CTIF: variants seen among roughly 807,000 people sequenced by gnomAD.
CTIF encodes the protein CBP80/20-dependent translation initiation factor.
CTIF carries 21 observed loss-of-function variants against 66.0 expected under a neutral mutation model. The observed-to-expected ratio is 0.32, with a 90% CI of 0.23 to 0.46. The LOEUF (loss-of-function observed/expected upper bound fraction) is 0.46. CTIF is among the 20% of genes least tolerant of loss of function. The pLI is 1.00. For missense variants in CTIF, 739 were observed against 812.7 expected (o/e 0.91, Z 1.10); for synonymous variants, 345 against 326.4 (o/e 1.06, Z -0.62).
intron 7 of CTIF, among the ~76,000 whole-genome samples, chr18:48,742,788 G>T (rs147143501): frequency 4.6e-4 from 70 of 152,304 alleles, no homozygotes; most frequent in African/African-American, 1.6e-3. Flanking sequence ...CCAGTGTCTG[G>T]CTCTCCCTGC....
At chr18:48,562,869 A>G (rs1293756963) in intron 1 of CTIF, among the ~76,000 whole-genome samples, 1 of 152,240 alleles carries the variant, frequency 6.6e-6, no homozygotes, top group African/African-American at 2.4e-5. Context: ...CCAGTAATCT[A>G]TTGGAACCAG....
chr18:48,626,727 C>G (rs1391315363), intron 2 of CTIF, among the ~76,000 whole-genome samples: 1 of 142,186 alleles, frequency 7.0e-6, no homozygotes, highest in East Asian at 2.3e-4. Flanking sequence ...GTGATCTTGA[C>G]TCACTGCAAC....
chr18:48,709,154 G>A (rs747106120), intron 6 of CTIF, among the ~76,000 whole-genome samples: 5 of 152,232 alleles, frequency 3.3e-5, no homozygotes, highest in South Asian at 2.1e-4. Context: ...GGCACATAGA[G>A]GTTAGGTCAT....
At chr18:48,593,470 T>C (rs1455604453) in intron 1 of CTIF, among the ~76,000 whole-genome samples, 2 of 151,054 alleles carry the variant, frequency 1.3e-5, no homozygotes, top group Non-Finnish European at 2.9e-5. Context: ...AAGCTCTGCC[T>C]CCCGGGTTCA....
At chr18:48,745,362 C>A (rs2092587645) in intron 7 of CTIF, among the ~76,000 whole-genome samples, 1 of 152,232 alleles carries the variant, frequency 6.6e-6, no homozygotes, top group Non-Finnish European at 1.5e-5. Context: ...AAGGTGGTGA[C>A]TGCCAAGTTT....
At position 48,728,338 on chromosome 18, in the gene CTIF, CAG is replaced by C. The variant is rs2092403711; in HGVS notation, c.584+16646_584+16647del. ...CAGTACCAAAGCCACTCTCACATTG[CAG>C]AGTTTCACTATGGCAGCACCCTACT... On this transcript the variant is annotated intron_variant, in intron 7 of 11. Transcript: ENST00000256413. Among the ~76,000 whole-genome samples the C allele has an allele frequency of 9.2e-5, 14 of 152,308 alleles. No homozygotes were observed. In the South Asian group the frequency reaches 2.7e-3, roughly 29 times the overall value.
At chr18:48,717,327 G>A (rs2092290927) in intron 7 of CTIF, among the ~76,000 whole-genome samples, 2 of 151,958 alleles carry the variant, frequency 1.3e-5, no homozygotes, top group Admixed American at 1.3e-4. Context: ...GAACCTGGGA[G>A]GCGGAGGTTG....
Position 48,860,796 on chromosome 18 carries a change from G to A in CTIF, c.*1237G>A, listed in dbSNP as rs920150191. The A allele has an allele frequency of 1.3e-5, 2 of 152,258 alleles. No individual in the cohort carries two copies. The highest frequency in any genetic ancestry group is 4.8e-5 in the African/African-American group (2 of 41,450). The allele number at this position is 152,258 out of a possible 1,614,324, so 9.4% of individuals were successfully genotyped here. A position where few individuals can be genotyped will look rare whatever the true frequency, so the allele number is the denominator to read the frequency against. ...GGGTGAATTCACTGGGTCATGGAAG[G>A]GACAGTCAGGTGACCAGCGGGGTCG... On this transcript the variant is annotated 3_prime_UTR_variant, in exon 12 of 12. Transcript: ENST00000256413.
Position 48,795,933 on chromosome 18 carries a change from G to C in CTIF, c.1372-21288G>C, listed in dbSNP as rs1485878498. Among the ~76,000 whole-genome samples, 3 of 152,300 alleles carry C rather than the reference G, an allele frequency of 2.0e-5. No homozygotes were observed. The East Asian group carries it at 5.8e-4, about 29-fold the overall frequency. On this transcript the variant is annotated intron_variant, in intron 9 of 11. Transcript: ENST00000256413. ...GCCAGGTACCATCTTTCCTGTGCTG[G>C]AAGTCACTGGAACTATAGGTCAGGA...
chr18:48,771,376 G>A (rs1910096688), intron 9 of CTIF, among the ~76,000 whole-genome samples: 2 of 152,172 alleles, frequency 1.3e-5, no homozygotes, highest in African/African-American at 4.8e-5. Context: ...CTTCACTGGG[G>A]AGGAAGGAGC....
At chr18:48,583,972 T>C (rs2089715834) in intron 1 of CTIF, among the ~76,000 whole-genome samples, 1 of 152,224 alleles carries the variant, frequency 6.6e-6, no homozygotes, top group African/African-American at 2.4e-5. Flanking sequence ...GATTCTTGTC[T>C]TTTATCAGAC....
At chr18:48,714,761 G>A (rs1568159117) in intron 7 of CTIF, among the ~76,000 whole-genome samples, 1 of 152,230 alleles carries the variant, frequency 6.6e-6, no homozygotes, top group Non-Finnish European at 1.5e-5. Context: ...TTAGGAGCTG[G>A]ATGGGAATCC....
At chr18:48,803,454 A>G (rs965958589) in intron 9 of CTIF, among the ~76,000 whole-genome samples, 1 of 152,186 alleles carries the variant, frequency 6.6e-6, no homozygotes, top group Non-Finnish European at 1.5e-5. Context: ...ATTCTTTTGG[A>G]TGGGACAGAA....
chr18:48,751,620 G>A (rs1233619467), intron 7 of CTIF, among the ~76,000 whole-genome samples: 1 of 152,246 alleles, frequency 6.6e-6, no homozygotes, highest in Non-Finnish European at 1.5e-5. Flanking sequence ...TGGGTGTGAT[G>A]TAGGGCATTC....
chr18:48,541,293 G>A (rs1174914013), intron 1 of CTIF, among the ~76,000 whole-genome samples: 2 of 152,100 alleles, frequency 1.3e-5, no homozygotes, highest in Admixed American at 6.5e-5. Flanking sequence ...CAGTCCAGGG[G>A]CCCGCGCGAC....
Position 48,615,385 on chromosome 18 carries a change from C to T in CTIF, c.-28-4153C>T, listed in dbSNP as rs78409020. Among the ~76,000 whole-genome samples the T allele has an allele frequency of 3.2e-3, 488 of 152,332 alleles. 1 individual carries two copies. Among genetic ancestry groups the T allele is most frequent in the African/African-American group, 0.01 (420 of 41,574 alleles). ...GGGCTTTTCTGCTTTGCATGTTCCC[C>T]GCTTTTCTGAAGCTGGGGCCTCCCC... On this transcript the variant is annotated intron_variant, in intron 1 of 11. Coordinates refer to ENST00000256413, the MANE Select transcript of CTIF (RefSeq NM_014772.3).
intron 1 of CTIF, among the ~76,000 whole-genome samples, chr18:48,577,099 A>T (rs999489371): frequency 1.3e-5 from 2 of 152,152 alleles, no homozygotes; most frequent in Non-Finnish European, 2.9e-5. Context: ...GAGGTTGGAG[A>T]CGTGAGGAGA....
intron 1 of CTIF, among the ~76,000 whole-genome samples, chr18:48,593,891 A>G (rs2144022065): frequency 6.6e-6 from 1 of 152,202 alleles, no homozygotes; most frequent in South Asian, 2.1e-4. Context: ...TGATGCTGGG[A>G]ACCCATTCAG....
intron 1 of CTIF, among the ~76,000 whole-genome samples, chr18:48,601,487 G>T (rs1282778786): frequency 6.6e-6 from 1 of 152,240 alleles, no homozygotes; most frequent in Non-Finnish European, 1.5e-5. Context: ...TGTAGGGAGA[G>T]TTATATGAGT....
Sources: allele counts gnomAD v4.1 joint callset (sites outside exome capture counted in the v4.1 genomes callset), GRCh38; gene constraint gnomAD v4.1.1; transcripts MANE v1.5; gene names NCBI Gene and HGNC (gene_info 2026-07-23, HGNC 2026-07-21).